Variants in HEBP1 observed in about 807,000 individuals in gnomAD.
HEBP1 encodes the protein heme-binding protein 1.
In HEBP1, 13 loss-of-function variants were observed where a neutral mutation model predicts 20.4. That is an observed-to-expected ratio of 0.64 (90% CI 0.42 to 1.01). The LOEUF (loss-of-function observed/expected upper bound fraction) is 1.01. Ranked by LOEUF, HEBP1 falls within the 50% of genes least tolerant of loss-of-function variation. The probability of loss-of-function intolerance (pLI) is 0.00; values close to 1 mark genes in which losing one functional copy is unlikely to be tolerated. For missense variants in HEBP1, 241 were observed against 247.3 expected (o/e 0.97, Z 0.17); for synonymous variants, 92 against 90.7 (o/e 1.01, Z -0.08).
chr12:12,984,082 C>T (rs989602841), intron 3 of HEBP1: 7 of 182,992 alleles, frequency 3.8e-5, no homozygotes, highest in Non-Finnish European at 5.8e-5. Flanking sequence ...ACTCAAAAAA[C>T]GAAGATGCAG....
Position 12,996,844 on chromosome 12 carries a change from T to C in HEBP1, c.78+3193A>G, listed in dbSNP as rs1022747023. Among the ~76,000 whole-genome samples the C allele has an allele frequency of 1.3e-5, 2 of 152,190 alleles. No homozygotes were observed. The highest frequency in any genetic ancestry group is 2.9e-5 in the Non-Finnish European group (2 of 68,032). On this transcript the variant is annotated intron_variant, in intron 1 of 3. Transcript: ENST00000014930. The surrounding 1 kb of genome is among the most constrained non-coding windows in gnomAD (Gnocchi z 4.1). ...GTACTAACATTGAACAGTTTTATAA[T>C]TGGTTATCTCATTTGAACTTCAAAA...
chr12:12,979,613 G>T (rs1246595254), intron 3 of HEBP1: 1 of 152,198 alleles, frequency 6.6e-6, no homozygotes, highest in African/African-American at 2.4e-5. Flanking sequence ...ATTCCTGCGC[G>T]CACTTGAAGG....
chr12:12,975,774 AGCCT>A (rs1863973213), intron 3 of HEBP1, among the ~76,000 whole-genome samples: 4 of 152,174 alleles, frequency 2.6e-5, no homozygotes, highest in Non-Finnish European at 5.9e-5. Flanking sequence ...TATAAACGTG[AGCCT>A]CCCTTTCTTT....
chr12:12,987,251 A>G lies in HEBP1; in HGVS notation c.299T>C (p.Val100Ala), dbSNP rs748320909. The change falls in exon 3 of 4, where the codon GTC becomes GCC. Residue 100 changes from valine to alanine, a missense_variant. Transcript: ENST00000014930. ...EDGSLQKKLK[V>A]WFRIPNQFQS... ...AAATTGGTTTGGAATCCGGAACCAG[A>G]CTTTTAATTTCTTCTGCAGAGAGCC... 1.5e-5 allele frequency: 24 copies of G among 1,613,958 alleles called. No individual in the cohort carries two copies. In the Admixed American group the frequency reaches 4.0e-4, roughly 27 times the overall value.
chr12:12,981,807 T>A (rs1275847953), intron 3 of HEBP1, among the ~76,000 whole-genome samples: 2 of 152,024 alleles, frequency 1.3e-5, no homozygotes. Context: ...CCATGCTGAG[T>A]CTGATGGGAT....
chr12:12,997,148 G>T (rs1864300535), intron 1 of HEBP1, among the ~76,000 whole-genome samples: 1 of 152,142 alleles, frequency 6.6e-6, no homozygotes, highest in African/African-American at 2.4e-5. Flanking sequence ...ATTTGCTTTA[G>T]CCTGGTACCA....
chr12:12,989,098 G>A (rs942689404), intron 2 of HEBP1, among the ~76,000 whole-genome samples, 179 bp downstream of exon 2: 8 of 152,256 alleles, frequency 5.3e-5, no homozygotes, highest in Non-Finnish European at 1.0e-4. Context: ...TGATATCAGA[G>A]TGGTTTCCCC....
chr12:12,979,351 C>T (rs1461001171), intron 3 of HEBP1: 1 of 152,480 alleles, frequency 6.6e-6, no homozygotes, highest in Non-Finnish European at 1.5e-5. Flanking sequence ...GGAAAACAAA[C>T]AAACTGGGTG....
At chr12:12,997,658 G>A (rs1282433322) in intron 1 of HEBP1, among the ~76,000 whole-genome samples, 1 of 152,208 alleles carries the variant, frequency 6.6e-6, no homozygotes, top group Non-Finnish European at 1.5e-5. Context: ...CAGGCCGAAT[G>A]GGTCAGCTTC....
intron 1 of HEBP1, among the ~76,000 whole-genome samples, chr12:12,992,235 G>T (rs1468285657): frequency 6.6e-6 from 1 of 152,134 alleles, no homozygotes; most frequent in East Asian, 1.9e-4. Context: ...ACAGAGTCTT[G>T]CTCTGTCACC....
chr12:12,982,630 C>A (rs1361537270), intron 3 of HEBP1, among the ~76,000 whole-genome samples: 2 of 152,180 alleles, frequency 1.3e-5, no homozygotes, highest in East Asian at 3.8e-4. Flanking sequence ...TGACAAAGTT[C>A]TTTCAAATGC....
At chr12:12,993,332 G>A (rs1864249560) in intron 1 of HEBP1, among the ~76,000 whole-genome samples, 1 of 151,988 alleles carries the variant, frequency 6.6e-6, no homozygotes, top group African/African-American at 2.4e-5. Flanking sequence ...GTGCCACCAT[G>A]CCCAGCTAAT....
Position 12,975,142 on chromosome 12 carries a change from G to A in HEBP1, c.*166C>T, listed in dbSNP as rs7968708. On this transcript the variant is annotated 3_prime_UTR_variant, in exon 4 of 4. Coordinates refer to ENST00000014930, the MANE Select transcript of HEBP1 (RefSeq NM_015987.5). Reference sequence around the variant, plus strand: ...TTCCTACTGTGAGAAAAGAGACTTAGTATATGGAACATGCTTTTTTCAGAA... The same window carrying A: ...TTCCTACTGTGAGAAAAGAGACTTAATATATGGAACATGCTTTTTTCAGAA... 2,183 of 607,422 alleles carry A rather than the reference G, an allele frequency of 3.6e-3. 36 individuals are homozygous for A. The African/African-American group carries it at 0.036, about 10-fold the overall frequency. 37.6% of individuals were successfully genotyped at this position (607,422 alleles called of 1,614,324 possible).
At chr12:12,985,083 G>A (rs936952730) in intron 3 of HEBP1, among the ~76,000 whole-genome samples, 2 of 151,802 alleles carry the variant, frequency 1.3e-5, no homozygotes, top group South Asian at 4.2e-4. Context: ...AGGCAGCAGA[G>A]GTTGCAGTGA....
At position 12,986,917 on chromosome 12, in the gene HEBP1, T is replaced by C; in HGVS notation, c.398+235A>G. On this transcript the variant is annotated intron_variant, in intron 3 of 3. Coordinates refer to ENST00000014930, the MANE Select transcript of HEBP1 (RefSeq NM_015987.5). This position sits in a 1 kb window ranked among gnomAD's most constrained non-coding sequence, Gnocchi z 4.3. Reference sequence around the variant, plus strand: ...ATTCACTGTAAGCTTAAGCAAAGCTTAAGCTCGTCCCATCAATTTGGCAAC... The same window carrying C: ...ATTCACTGTAAGCTTAAGCAAAGCTCAAGCTCGTCCCATCAATTTGGCAAC... 1 of 496,700 alleles carries C rather than the reference T, an allele frequency of 2.0e-6. No individual in the cohort carries two copies. Among genetic ancestry groups the C allele is most frequent in the Non-Finnish European group, 3.6e-6 (1 of 278,166 alleles). 30.8% of individuals were successfully genotyped at this position (496,700 alleles called of 1,614,324 possible).
intron 1 of HEBP1, among the ~76,000 whole-genome samples, chr12:12,992,999 C>T (rs908115695): frequency 6.6e-6 from 1 of 152,178 alleles, no homozygotes; most frequent in Non-Finnish European, 1.5e-5. Context: ...CTAGTCTACT[C>T]CAGTCTAATA....
chr12:12,994,438 T>C (rs762614705), intron 1 of HEBP1, among the ~76,000 whole-genome samples: 48 of 152,208 alleles, frequency 3.2e-4, no homozygotes, highest in Non-Finnish European at 5.3e-4. Context: ...TTTGCAAGTA[T>C]GTCTGGGTCT....
intron 3 of HEBP1, chr12:12,979,542 T>C (rs540175508): frequency 5.2e-5 from 8 of 152,400 alleles, no homozygotes; most frequent in African/African-American, 1.7e-4. Flanking sequence ...CCTCATTGGT[T>C]CGTGCCTCAG....
Position 12,987,612 on chromosome 12 carries a change from T to TCTTTCTC in HEBP1, c.218-281_218-280insGAGAAAG, listed in dbSNP as rs1230851526. On this transcript the variant is annotated intron_variant, in intron 2 of 3. Coordinates refer to ENST00000014930, the MANE Select transcript of HEBP1 (RefSeq NM_015987.5). Reference sequence around the variant, plus strand: ...TCTTTCTCTCTCTCTCTCTCTCTCTTTCTCTCTCTCTCTCTCTCTCTCTTT... The same window carrying TCTTTCTC: ...TCTTTCTCTCTCTCTCTCTCTCTCTTCTTTCTCTCTCTCTCTCTCTCTCTCTCTCTTT... 1.5e-3 allele frequency among the ~76,000 whole-genome samples: 178 copies of TCTTTCTC among 117,830 alleles called. 1 individual carries two copies. The highest frequency in any genetic ancestry group is 0.012 in the South Asian group (45 of 3,664). 77.3% of individuals were successfully genotyped at this position (117,830 alleles called of 152,430 possible).
Sources: gnomAD v4.1 joint callset for allele counts (sites outside exome capture counted in the v4.1 genomes callset) on GRCh38, gnomAD v4.1.1 for gene constraint, Gnocchi (gnomAD v3.1) non-coding constraint, MANE v1.5 for transcripts, NCBI Gene and HGNC (gene_info 2026-07-23, HGNC 2026-07-21) for gene names.